Variants in SCIN observed in about 807,000 individuals in gnomAD.
SCIN encodes the protein adseverin.
Under a neutral mutation model 91.8 loss-of-function variants are expected in SCIN, and 91 were observed. The ratio of observed to expected loss-of-function variants is 0.99; its 90% CI spans 0.84 to 1.18. The LOEUF (loss-of-function observed/expected upper bound fraction) is 1.18. Among genes scored for constraint, SCIN ranks in the 50% most tolerant of loss-of-function variants. The pLI is 0.00. For synonymous variants in SCIN, 367 were observed against 312.6 expected (o/e 1.17, Z -1.84); for missense variants, 1,087 against 863.9 (o/e 1.26, Z -3.24).
chr7:12,583,755 A>G (rs985311629), intron 3 of SCIN, among the ~76,000 whole-genome samples: 5 of 152,000 alleles, frequency 3.3e-5, no homozygotes, highest in Non-Finnish European at 5.9e-5. Context: ...CCCATAGTCA[A>G]CCTGTGGGAG....
chr7:12,589,295 C>CA (rs1782665275), intron 3 of SCIN: 1 of 150,650 alleles, frequency 6.6e-6, no homozygotes, highest in Admixed American at 6.6e-5. Context: ...CTGCTCACTG[C>CA]AAGCTCCGCC....
At chr7:12,611,760 A>G (rs1783196667) in intron 4 of SCIN, among the ~76,000 whole-genome samples, 1 of 152,148 alleles carries the variant, frequency 6.6e-6, no homozygotes, top group African/African-American at 2.4e-5. Flanking sequence ...GTATAAATAA[A>G]TATATAGCTA....
chr7:12,591,553 G>A (rs1396959221), intron 3 of SCIN, among the ~76,000 whole-genome samples: 1 of 152,158 alleles, frequency 6.6e-6, no homozygotes, highest in Admixed American at 6.5e-5. Flanking sequence ...TGAAAGGTTG[G>A]GAGATATCAG....
chr7:12,573,712 T>C (rs1326258033), intron 1 of SCIN, among the ~76,000 whole-genome samples: 2 of 152,198 alleles, frequency 1.3e-5, no homozygotes, highest in African/African-American at 2.4e-5. Flanking sequence ...AACTGCTCCC[T>C]GTCACATCCC....
chr7:12,579,441 G>C (rs954763359), intron 2 of SCIN, among the ~76,000 whole-genome samples: 1 of 152,080 alleles, frequency 6.6e-6, no homozygotes, highest in Non-Finnish European at 1.5e-5. Context: ...TAAATAAATT[G>C]AGTCTTGTAG....
chr7:12,642,888 C>G (rs1363194672), intron 11 of SCIN, among the ~76,000 whole-genome samples: 1 of 152,118 alleles, frequency 6.6e-6, no homozygotes, highest in Non-Finnish European at 1.5e-5. Context: ...GGCCCCTTCA[C>G]TGTGGTCTCA....
Position 12,576,594 on chromosome 7 carries a change from T to C in SCIN, c.200-1470T>C, listed in dbSNP as rs961253133. Reference sequence around the variant, plus strand: ...ATCTATGGAAGAAATTAACATACCTTGTCACTATAAAATTGTACCGCTAAT... The same window carrying C: ...ATCTATGGAAGAAATTAACATACCTCGTCACTATAAAATTGTACCGCTAAT... On this transcript the variant is annotated intron_variant, in intron 1 of 15. Coordinates refer to ENST00000297029, the MANE Select transcript of SCIN (RefSeq NM_001112706.3). 2.0e-5 allele frequency among the ~76,000 whole-genome samples: 3 copies of C among 152,198 alleles called. No individual in the cohort carries two copies. In the East Asian group the frequency reaches 5.8e-4, roughly 29 times the overall value.
At chr7:12,644,082 T>C (rs1010099283) in intron 11 of SCIN, 56 bp from the exon 12 acceptor site, 44 of 1,482,034 alleles carry the variant, frequency 3.0e-5, no homozygotes, top group Non-Finnish European at 4.0e-5. Context: ...GGGACATGTT[T>C]ATTGAGGGAG....
At chr7:12,606,039 G>T (rs967552296) in intron 4 of SCIN, among the ~76,000 whole-genome samples, 3 of 152,080 alleles carry the variant, frequency 2.0e-5, no homozygotes, top group African/African-American at 4.8e-5. Flanking sequence ...GTCAGTTAAG[G>T]AGTATAACTA....
rs187589111 is a variant in SCIN at position 12,652,631 on chromosome 7, G to A, written c.2064G>A (p.Arg688=). The A allele has an allele frequency of 6.8e-6, 11 of 1,612,388 alleles. No individual in the cohort carries two copies. The African/African-American group carries it at 8.0e-5, about 12-fold the overall frequency. ...LETDPSGRDK[R]TPIVIIKQGH... ...CAGACCCTTCTGGAAGAGACAAGAG[G>A]ACACCAATTGTCATCATAAAACAGG... The change falls in exon 16 of 16, where the codon AGG becomes AGA. Residue 688 remains arginine, a synonymous_variant. Coordinates refer to ENST00000297029, the MANE Select transcript of SCIN (RefSeq NM_001112706.3).
intron 4 of SCIN, among the ~76,000 whole-genome samples, chr7:12,612,192 T>C (rs1204158484): frequency 6.6e-6 from 1 of 152,210 alleles, no homozygotes; most frequent in Non-Finnish European, 1.5e-5. Context: ...TTGAACAATG[T>C]CTTAAATATT....
intron 9 of SCIN, among the ~76,000 whole-genome samples, chr7:12,632,854 C>A (rs1465220197): frequency 6.6e-6 from 1 of 152,148 alleles, no homozygotes; most frequent in Non-Finnish European, 1.5e-5. Flanking sequence ...TAGCTTTCTT[C>A]TTTCCAATTT....
chr7:12,587,953 C>T (rs1487010142), intron 3 of SCIN, among the ~76,000 whole-genome samples: 4 of 152,224 alleles, frequency 2.6e-5, no homozygotes, highest in Non-Finnish European at 5.9e-5. Context: ...TTCGAAACAG[C>T]ATCCTCACTT....
At chr7:12,602,324 A>G (rs1318218907) in intron 3 of SCIN, among the ~76,000 whole-genome samples, 1 of 152,228 alleles carries the variant, frequency 6.6e-6, no homozygotes, top group Non-Finnish European at 1.5e-5. Context: ...AACAAAGATC[A>G]CATGCTTCTG....
intron 13 of SCIN, among the ~76,000 whole-genome samples, chr7:12,645,327 C>A (rs1042586415): frequency 1.3e-5 from 2 of 151,410 alleles, no homozygotes; most frequent in Non-Finnish European, 2.9e-5. Context: ...GACTCCATCT[C>A]AAAAAAAACA....
Position 12,654,878 on chromosome 7 carries a change from A to G in SCIN, c.*2163A>G, listed in dbSNP as rs1402568059. The G allele has an allele frequency of 2.0e-5, 3 of 152,236 alleles. No homozygotes were observed. Among genetic ancestry groups the G allele is most frequent in the Admixed American group, 1.3e-4 (2 of 15,286 alleles). 9.4% of individuals were successfully genotyped at this position (152,236 alleles called of 1,614,324 possible). ...TGTTGCAGGGTTTTAACCTGCCCAA[A>G]GGATGGAAAAAGAAGAACATAAGCA... On this transcript the variant is annotated 3_prime_UTR_variant, in exon 16 of 16. Coordinates refer to ENST00000297029, the MANE Select transcript of SCIN (RefSeq NM_001112706.3).
At chr7:12,614,664 G>C (rs758819751) in intron 4 of SCIN, among the ~76,000 whole-genome samples, 1 of 152,168 alleles carries the variant, frequency 6.6e-6, no homozygotes, top group East Asian at 1.9e-4. Context: ...AAGGCTGAGT[G>C]GTTGCTGGGT....
At chr7:12,598,745 A>AAAAACAC (rs1782894503) in intron 3 of SCIN, among the ~76,000 whole-genome samples, 1 of 152,048 alleles carries the variant, frequency 6.6e-6, no homozygotes, top group African/African-American at 2.4e-5. Context: ...ACAAAAAACA[A>AAAAACAC]AAAAACAAAA....
intron 3 of SCIN, among the ~76,000 whole-genome samples, chr7:12,597,603 ATT>A (rs1562605635): frequency 1.3e-5 from 2 of 152,166 alleles, no homozygotes; most frequent in Non-Finnish European, 2.9e-5. Flanking sequence ...GGCTGCACTT[ATT>A]AACTCAACAC....
Sources: allele counts gnomAD v4.1 joint callset (sites outside exome capture counted in the v4.1 genomes callset), GRCh38; gene constraint gnomAD v4.1.1; transcripts MANE v1.5; gene names NCBI Gene and HGNC (gene_info 2026-07-23, HGNC 2026-07-21).